Variants in SHISA5 observed in about 807,000 individuals in gnomAD.
SHISA5 encodes shisa family member 5.
A neutral mutation model predicts 27.5 loss-of-function variants in SHISA5; 21 were observed. That is an observed-to-expected ratio of 0.76 (90% confidence interval 0.54 to 1.10). The LOEUF (loss-of-function observed/expected upper bound fraction) is 1.10, where lower values mean the gene tolerates loss of function less well. SHISA5 is among the 50% of genes least tolerant of loss of function. SHISA5 has a pLI of 0.00. For missense variants in SHISA5, 314 were observed against 336.3 expected (o/e 0.93, Z 0.52); for synonymous variants, 137 against 142.2 (o/e 0.96, Z 0.26).
At chr3:48,482,362 G>A (rs989941479) in intron 2 of SHISA5, among the ~76,000 whole-genome samples, 18 of 152,006 alleles carry the variant, frequency 1.2e-4, no homozygotes, top group African/African-American at 3.4e-4. Flanking sequence ...CTGTGATCAC[G>A]CCACTGCACT....
Position 48,473,370 on chromosome 3 carries a change from C to T in SHISA5, c.315-3527G>A, listed in dbSNP as rs2040712553. 7.4e-7 allele frequency: 1 copy of T among 1,344,406 alleles called. No individual in the cohort carries two copies. Among genetic ancestry groups the T allele is most frequent in the African/African-American group, 1.5e-5 (1 of 68,076 alleles). The allele number at this position is 1,344,406 out of a possible 1,614,324, so 83.3% of individuals were successfully genotyped here. A position where few individuals can be genotyped will look rare whatever the true frequency, so the allele number is the denominator to read the frequency against. ...TAGGGGGTCTAAGAGCCACCCCAGCCTCAGTGGGCCCCAACCACACTCTAG... is the reference window on the plus strand; with the variant it reads ...TAGGGGGTCTAAGAGCCACCCCAGCTTCAGTGGGCCCCAACCACACTCTAG... On this transcript the variant is annotated intron_variant, in intron 3 of 5. Transcript: ENST00000296444. This position sits in a 1 kb window ranked among gnomAD's most constrained non-coding sequence, Gnocchi z 4.3.
rs2040701683 is a variant in SHISA5, at chr3:48,473,138, G to A, written c.315-3295C>T. ...AAAAGAAAGCAAATCTCCTCCAGAT[G>A]ACGTCAGCCACAGGAAGCACAGACG... On this transcript the variant is annotated intron_variant, in intron 3 of 5. Transcript: ENST00000296444. The surrounding 1 kb of genome is among the most constrained non-coding windows in gnomAD (Gnocchi z 4.3). 1 of 1,461,738 alleles carries A rather than the reference G, an allele frequency of 6.8e-7. No individual in the cohort carries two copies. 90.5% of individuals were successfully genotyped at this position (1,461,738 alleles called of 1,614,324 possible).
intron 2 of SHISA5, among the ~76,000 whole-genome samples, chr3:48,489,621 CTTTTTTTTTT>C (rs58568695): frequency 1.2e-5 from 1 of 80,880 alleles, no homozygotes; most frequent in African/African-American, 5.9e-5. Context: ...TGCGCCTGGC[CTTTTTTTTTT>C]TTTTTTTTTT....
In SHISA5 at chr3:48,470,120, A is replaced by C. The variant is rs756429165; in HGVS notation, c.315-277T>G. Among the ~76,000 whole-genome samples the C allele has an allele frequency of 1.4e-4, 21 of 152,096 alleles. No individual in the cohort carries two copies. Among genetic ancestry groups the C allele is most frequent in the Non-Finnish European group, 3.1e-4 (21 of 68,010 alleles). On this transcript the variant is annotated intron_variant, in intron 3 of 5. Transcript: ENST00000296444. The surrounding 1 kb of genome is among the most constrained non-coding windows in gnomAD (Gnocchi z 4.3). ...TTCAAGTCCCATGCCACACACATAC[A>C]TCTATCTTGTCCACCTCACAACCAA...
At chr3:48,503,377 C>G (rs2041810496) in intron 1 of SHISA5, among the ~76,000 whole-genome samples, 1 of 152,232 alleles carries the variant, frequency 6.6e-6, no homozygotes, top group Non-Finnish European at 1.5e-5. Flanking sequence ...ATCCCAGCCC[C>G]CAGGAAATAC....
chr3:48,483,306 C>T (rs1255263452), intron 2 of SHISA5, among the ~76,000 whole-genome samples: 1 of 152,124 alleles, frequency 6.6e-6, no homozygotes, highest in Non-Finnish European at 1.5e-5. Context: ...GAGCATGCTG[C>T]CTTCAAGCAT....
intron 2 of SHISA5, among the ~76,000 whole-genome samples, chr3:48,481,927 G>A (rs1399541297): frequency 6.6e-6 from 1 of 150,674 alleles, no homozygotes; most frequent in Non-Finnish European, 1.5e-5. Flanking sequence ...AAATTAGCCA[G>A]GCGTGGTGGC....
chr3:48,504,004 C>CA lies in SHISA5; in HGVS notation c.76+14_76+15insT. 6.8e-7 allele frequency: 1 copy of CA among 1,462,126 alleles called. No individual in the cohort carries two copies. The highest frequency in any genetic ancestry group is 3.0e-5 in the East Asian group (1 of 33,334). The allele number at this position is 1,462,126 out of a possible 1,614,324, so 90.6% of individuals were successfully genotyped here. ...GGTCCCAGGGCAGGACGGGCCGCCC[C>CA]CACCCCCGGCTCACCACCCGGAGGC... On this transcript the variant is annotated intron_variant, in intron 1 of 5. Transcript: ENST00000296444. This position sits in a 1 kb window ranked among gnomAD's most constrained non-coding sequence, Gnocchi z 4.0.
Position 48,470,401 on chromosome 3 carries a change from A to C in SHISA5, c.315-558T>G, listed in dbSNP as rs2040563854. Among the ~76,000 whole-genome samples the C allele has an allele frequency of 6.6e-6, 1 of 152,230 alleles. No individual in the cohort carries two copies. Among genetic ancestry groups the C allele is most frequent in the Admixed American group, 6.5e-5 (1 of 15,286 alleles). ...CTGCACTCCACAACAGCCCCAGGGC[A>C]GGGAGGCTGGCCCCTGAGTGATAAG... is the stretch of plus-strand genomic sequence containing the variant. On this transcript the variant is annotated intron_variant, in intron 3 of 5. Transcript: ENST00000296444. This position sits in a 1 kb window ranked among gnomAD's most constrained non-coding sequence, Gnocchi z 4.3.
chr3:48,484,030 TAAG>T (rs931939456), intron 2 of SHISA5, among the ~76,000 whole-genome samples: 1 of 152,166 alleles, frequency 6.6e-6, no homozygotes, highest in African/African-American at 2.4e-5. Context: ...TACTAATATT[TAAG>T]AAGAACTTTT....
Position 48,469,419 on chromosome 3 carries a change from G to A in SHISA5, c.585C>T (p.Tyr195=), listed in dbSNP as rs781345357. Residue 195 remains tyrosine, a synonymous_variant, in exon 5 of 6, where the codon TAC becomes TAT. Transcript: ENST00000296444. The surrounding 1 kb of genome is among the most constrained non-coding windows in gnomAD (Gnocchi z 4.6). ...GMPAAPYPMQ[Y]PPPYPAQPMG... ...TGGGCTGGGCTGGGTAAGGTGGTGG[G>A]TACTGCATTGGGTAGGGTGCTGCTG... 1.2e-6 allele frequency: 2 copies of A among 1,612,048 alleles called. No individual in the cohort carries two copies. Among genetic ancestry groups the A allele is most frequent in the South Asian group, 2.2e-5 (2 of 90,756 alleles).
chr3:48,468,958 T>C lies in SHISA5; in HGVS notation c.*149A>G, dbSNP rs763195454. The C allele has an allele frequency of 2.6e-5, 41 of 1,578,018 alleles. No individual in the cohort carries two copies. In the East Asian group the frequency reaches 6.5e-4, roughly 25 times the overall value. On this transcript the variant is annotated 3_prime_UTR_variant, in exon 6 of 6. Coordinates refer to ENST00000296444, the MANE Select transcript of SHISA5 (RefSeq NM_016479.6). ...TGTCAGCATCAGAGGAAGCCACATA[T>C]ACAGGCAGGACACACACAGCACACA...
chr3:48,483,948 C>A (rs2041117736), intron 2 of SHISA5, among the ~76,000 whole-genome samples: 1 of 152,208 alleles, frequency 6.6e-6, no homozygotes, highest in South Asian at 2.1e-4. Context: ...AACTCCTGGA[C>A]TCAAGTGATC....
chr3:48,470,937 GAA>G lies in SHISA5; in HGVS notation c.315-1096_315-1095del, dbSNP rs200616469. Among the ~76,000 whole-genome samples the G allele has an allele frequency of 7.4e-6, 1 of 135,488 alleles. No homozygotes were observed. Among genetic ancestry groups the G allele is most frequent in the African/African-American group, 2.7e-5 (1 of 37,520 alleles). The allele number at this position is 135,488 out of a possible 152,430, so 88.9% of individuals were successfully genotyped here. On this transcript the variant is annotated intron_variant, in intron 3 of 5. Coordinates refer to ENST00000296444, the MANE Select transcript of SHISA5 (RefSeq NM_016479.6). The surrounding 1 kb of genome is among the most constrained non-coding windows in gnomAD (Gnocchi z 4.3). ...GCAAAACTCTGTCTCAAAAATGAAAGAAAAAAAAAAAAACCTGACTTCCAAAT... is the reference window on the plus strand; with the variant it reads ...GCAAAACTCTGTCTCAAAAATGAAAGAAAAAAAAAAACCTGACTTCCAAAT...
intron 2 of SHISA5, among the ~76,000 whole-genome samples, chr3:48,493,149 C>G (rs2041477704): frequency 6.8e-6 from 1 of 147,172 alleles, no homozygotes; most frequent in African/African-American, 2.7e-5. Context: ...AAACTTTCGG[C>G]TGGGTGCAGT....
intron 1 of SHISA5, chr3:48,502,447 G>A (rs1478471769): frequency 2.2e-6 from 1 of 456,214 alleles, no homozygotes; most frequent in South Asian, 1.6e-5. Context: ...GGCACCATCT[G>A]TAGCCCTGGA....
Position 48,468,305 on chromosome 3 carries a change from G to A in SHISA5, c.*802C>T. The A allele has an allele frequency of 9.7e-7, 1 of 1,025,776 alleles. No individual in the cohort carries two copies. 63.5% of individuals were successfully genotyped at this position (1,025,776 alleles called of 1,614,324 possible). On this transcript the variant is annotated 3_prime_UTR_variant, in exon 6 of 6. Transcript: ENST00000296444. The stretch of plus-strand genomic sequence containing the variant: ...GGGAAGAGAACTGAGTGTGCTGGTG[G>A]ACAGGAGCCCTGCTCACCTGTGGGA...
At chr3:48,476,605 A>G (rs988487167) in intron 3 of SHISA5, among the ~76,000 whole-genome samples, 8 of 152,208 alleles carry the variant, frequency 5.3e-5, no homozygotes, top group Non-Finnish European at 8.8e-5. Flanking sequence ...TGCCCAGCAG[A>G]GGATGTCTCC....
intron 2 of SHISA5, among the ~76,000 whole-genome samples, chr3:48,483,818 G>A (rs2041111799): frequency 6.7e-6 from 1 of 150,354 alleles, no homozygotes; most frequent in African/African-American, 2.4e-5. Context: ...GCGGGGGGCT[G>A]ACCCCCCCAC....
Sources: gnomAD v4.1 joint callset for allele counts (sites outside exome capture counted in the v4.1 genomes callset) on GRCh38, gnomAD v4.1.1 for gene constraint, Gnocchi (gnomAD v3.1) non-coding constraint, MANE v1.5 for transcripts, NCBI Gene and HGNC (gene_info 2026-07-23, HGNC 2026-07-21) for gene names.